The following SERP2 variants were observed in gnomAD, a reference collection of about 807,000 sequenced individuals.
SERP2 encodes stress associated endoplasmic reticulum protein family member 2.
In SERP2, 6 loss-of-function variants were observed where a neutral mutation model predicts 9.1. That is an observed-to-expected ratio of 0.66 (90% confidence interval 0.36 to 1.30). The LOEUF (loss-of-function observed/expected upper bound fraction) is 1.30, where lower values mean the gene tolerates loss of function less well. SERP2 is among the 50% of genes most tolerant of loss of function. SERP2 has a pLI of 0.03. For missense variants in SERP2, 58 were observed against 81.9 expected (o/e 0.71, Z 1.13); for synonymous variants, 37 against 27.3 (o/e 1.35, Z -1.10).
chr13:44,378,135 T>G (rs1871766533), intron 1 of SERP2, among the ~76,000 whole-genome samples: 1 of 152,200 alleles, frequency 6.6e-6, no homozygotes, highest in Non-Finnish European at 1.5e-5. Flanking sequence ...AATAAATTCC[T>G]TTTTTAGATG....
At position 44,397,680 on chromosome 13, in the gene SERP2, T is replaced by A; in HGVS notation, c.*368T>A. On this transcript the variant is annotated 3_prime_UTR_variant, in exon 3 of 3. Coordinates refer to ENST00000379179, the MANE Select transcript of SERP2 (RefSeq NM_001010897.3). ...GATACAATCTCTCCTCCATTGAGAA[T>A]TGATTTTACAAATAAATGTCTTCGT... 3.4e-6 allele frequency: 1 copy of A among 290,440 alleles called. No homozygotes were observed. Among genetic ancestry groups the A allele is most frequent in the Non-Finnish European group, 6.5e-6 (1 of 152,688 alleles). The allele number at this position is 290,440 out of a possible 1,614,324, so 18.0% of individuals were successfully genotyped here. A position where few individuals can be genotyped will look rare whatever the true frequency, so the allele number is the denominator to read the frequency against.
chr13:44,395,512 G>A (rs1388223382), intron 2 of SERP2, among the ~76,000 whole-genome samples: 3 of 150,722 alleles, frequency 2.0e-5, no homozygotes, highest in African/African-American at 4.9e-5. Context: ...CCTGAGGCAG[G>A]AGAATGGCGT....
intron 1 of SERP2, among the ~76,000 whole-genome samples, chr13:44,376,261 A>G (rs948967581): frequency 6.6e-6 from 1 of 152,264 alleles, no homozygotes; most frequent in Non-Finnish European, 1.5e-5. Context: ...TCTCAATTAC[A>G]AGTCAAATAT....
intron 2 of SERP2, among the ~76,000 whole-genome samples, chr13:44,394,980 A>G (rs1387401162): frequency 2.0e-5 from 3 of 152,282 alleles, no homozygotes; most frequent in Non-Finnish European, 2.9e-5. Flanking sequence ...GAGATTAATT[A>G]TTTGTCCAGT....
chr13:44,373,684 GGCTCTGCGCGCTGCGCTCCGGCC>G (rs1370351127), upstream of SERP2: 5 of 284,164 alleles, frequency 1.8e-5, no homozygotes, highest in Non-Finnish European at 3.3e-5. This position sits in a 1 kb window ranked among gnomAD's most constrained non-coding sequence, Gnocchi z 4.8. Context: ...GCAGGGCCCC[GGCTCTGCGCGCTGCGCTCCGGCC>G]GCTCGGCGCG....
At chr13:44,391,027 C>T (rs2138794999) in intron 2 of SERP2, 1 of 152,356 alleles carries the variant, frequency 6.6e-6, no homozygotes, top group South Asian at 2.1e-4. Flanking sequence ...AATCTCTCTT[C>T]TCAGCAACTC....
At chr13:44,374,181 G>GGC in intron 1 of SERP2, 72 bp downstream of exon 1, 9 of 448,628 alleles carry the variant, frequency 2.0e-5, no homozygotes, top group East Asian at 7.5e-5. Flanking sequence ...TGGGGGCGGG[G>GGC]CCGGGCGGGT....
intron 2 of SERP2, among the ~76,000 whole-genome samples, chr13:44,380,337 T>C (rs1566090467): frequency 1.3e-5 from 2 of 152,188 alleles, no homozygotes; most frequent in East Asian, 1.9e-4. Flanking sequence ...TCAGAAATCC[T>C]TGTGAGTGGA....
chr13:44,389,757 C>G (rs759839886), intron 2 of SERP2, among the ~76,000 whole-genome samples: 1 of 152,104 alleles, frequency 6.6e-6, no homozygotes, highest in Non-Finnish European at 1.5e-5. Flanking sequence ...ATAGCTAGAA[C>G]CTCTCTAAGT....
intron 2 of SERP2, among the ~76,000 whole-genome samples, chr13:44,389,885 T>A (rs1277627152): frequency 6.6e-6 from 1 of 152,170 alleles, no homozygotes; most frequent in Non-Finnish European, 1.5e-5. Context: ...TACACATACA[T>A]CTCCTCCTCT....
At chr13:44,377,921 C>G (rs1214954318) in intron 1 of SERP2, among the ~76,000 whole-genome samples, 1 of 152,152 alleles carries the variant, frequency 6.6e-6, no homozygotes, top group Non-Finnish European at 1.5e-5. Flanking sequence ...TAGTCCCTGC[C>G]CTTGTGGGGT....
At chr13:44,384,980 AT>A (rs1253107102) in intron 2 of SERP2, among the ~76,000 whole-genome samples, 1 of 152,232 alleles carries the variant, frequency 6.6e-6, no homozygotes, top group Non-Finnish European at 1.5e-5. Context: ...GTAAATAAAT[AT>A]TCAGGTCAGG....
chr13:44,395,967 G>C (rs944544207), intron 2 of SERP2: 1 of 416,712 alleles, frequency 2.4e-6, no homozygotes, highest in African/African-American at 2.1e-5. Context: ...ATCACACGCA[G>C]CCTCCTCTGT....
Position 44,373,928 on chromosome 13 carries a change from T to C in SERP2, c.-98T>C. ...CGCCTTGCCACCTGCAGCGCCCGGG[T>C]GGGCCGCGGGGGCCTCGGCGGGACG... On this transcript the variant is annotated 5_prime_UTR_variant, in exon 1 of 3. Coordinates refer to ENST00000379179, the MANE Select transcript of SERP2 (RefSeq NM_001010897.3). This position sits in a 1 kb window ranked among gnomAD's most constrained non-coding sequence, Gnocchi z 4.8. 1 of 1,156,522 alleles carries C rather than the reference T, an allele frequency of 8.6e-7. No homozygotes were observed. The highest frequency in any genetic ancestry group is 1.2e-6 in the Non-Finnish European group (1 of 810,070). The allele number at this position is 1,156,522 out of a possible 1,614,324, so 71.6% of individuals were successfully genotyped here.
intron 2 of SERP2, among the ~76,000 whole-genome samples, chr13:44,390,028 G>C (rs951547129): frequency 6.6e-6 from 1 of 152,156 alleles, no homozygotes; most frequent in African/African-American, 2.4e-5. Context: ...ACTTCTTTCA[G>C]ACTCTAAAAC....
chr13:44,386,842 A>G lies in SERP2; in HGVS notation c.157+7129A>G, dbSNP rs1010729257. On this transcript the variant is annotated intron_variant, in intron 2 of 2. Transcript: ENST00000379179. Reference sequence around the variant, plus strand: ...TGCTTGAGTCTGTTTAACTGGCTGGATTTGCCTCTACTTGATCTACTAGGA... The same window carrying G: ...TGCTTGAGTCTGTTTAACTGGCTGGGTTTGCCTCTACTTGATCTACTAGGA... Among the ~76,000 whole-genome samples the G allele has an allele frequency of 7.9e-5, 12 of 152,312 alleles. No homozygotes were observed. The East Asian group carries it at 1.5e-3, about 20-fold the overall frequency.
intron 2 of SERP2, among the ~76,000 whole-genome samples, chr13:44,388,079 A>T (rs750681429): frequency 6.6e-6 from 1 of 151,840 alleles, no homozygotes; most frequent in Non-Finnish European, 1.5e-5. Flanking sequence ...ATCAGCATAT[A>T]TTACTTTTAT....
intron 2 of SERP2, among the ~76,000 whole-genome samples, chr13:44,393,787 T>C (rs1370328641): frequency 3.3e-5 from 5 of 152,190 alleles, no homozygotes; most frequent in Admixed American, 3.3e-4. Flanking sequence ...CAGGTCAGTA[T>C]TGGCAGGTAC....
At chr13:44,385,242 A>C (rs896559730) in intron 2 of SERP2, among the ~76,000 whole-genome samples, 1 of 152,134 alleles carries the variant, frequency 6.6e-6, no homozygotes, top group Non-Finnish European at 1.5e-5. Flanking sequence ...CCTCCTCTGC[A>C]TGTGCCTTTC....
Sources: gnomAD v4.1 joint callset for allele counts (sites outside exome capture counted in the v4.1 genomes callset) on GRCh38, gnomAD v4.1.1 for gene constraint, Gnocchi (gnomAD v3.1) non-coding constraint, MANE v1.5 for transcripts, NCBI Gene and HGNC (gene_info 2026-07-23, HGNC 2026-07-21) for gene names.